Variants in PCDHGA5 observed in about 807,000 individuals in gnomAD.
The protein encoded by PCDHGA5 is protocadherin gamma-A5.
In PCDHGA5, 36 loss-of-function variants were observed where a neutral mutation model predicts 56.7. The observed-to-expected ratio is 0.64, with a 90% CI of 0.49 to 0.84. The LOEUF is 0.84. PCDHGA5 is among the 40% of genes least tolerant of loss of function. The probability of loss-of-function intolerance (pLI) is 0.00; values close to 1 mark genes in which losing one functional copy is unlikely to be tolerated. For synonymous variants in PCDHGA5, 563 were observed against 520.2 expected (o/e 1.08, Z -1.12); for missense variants, 1,305 against 1,201.5 (o/e 1.09, Z -1.27).
At position 141,476,792 on chromosome 5, in the gene PCDHGA5, G is replaced by T. The variant is rs376910320; in HGVS notation, c.2422-18015G>T. ...GGACGGAGGGACCCCAGCTCTCTCC[G>T]CCAGCCTGCCTATTCACATCAAGGT... On this transcript the variant is annotated intron_variant, in intron 1 of 3. Coordinates refer to ENST00000518069, the MANE Select transcript of PCDHGA5 (RefSeq NM_018918.3). The surrounding 1 kb of genome is among the most constrained non-coding windows in gnomAD (Gnocchi z 7.6). 4.3e-6 allele frequency: 7 copies of T among 1,612,720 alleles called. No individual in the cohort carries two copies. Among genetic ancestry groups the T allele is most frequent in the Non-Finnish European group, 5.1e-6 (6 of 1,179,958 alleles).
chr5:141,405,435 T>C, intron 1 of PCDHGA5: 1 of 1,463,324 alleles, frequency 6.8e-7, no homozygotes, highest in Non-Finnish European at 9.3e-7. Context: ...TTGTTTTGTT[T>C]TTGAGACAGA....
chr5:141,385,640 A>C (rs917789862), intron 1 of PCDHGA5: 1 of 803,664 alleles, frequency 1.2e-6, no homozygotes, highest in Admixed American at 4.6e-5. Context: ...CGAGTCTTTC[A>C]TATTGCACAA....
chr5:141,374,656 C>G (rs775346091), intron 1 of PCDHGA5: 1 of 1,612,056 alleles, frequency 6.2e-7, no homozygotes, highest in Non-Finnish European at 8.5e-7. Context: ...GGCCCAAGTA[C>G]CCGGAGCTGG....
intron 1 of PCDHGA5, among the ~76,000 whole-genome samples, chr5:141,433,395 CTATCTA>C (rs1561869588): frequency 2.0e-5 from 3 of 150,654 alleles, no homozygotes; most frequent in African/African-American, 7.3e-5. Flanking sequence ...ATCTATCTAT[CTATCTA>C]TCTATTACTT....
intron 1 of PCDHGA5, chr5:141,428,440 G>A (rs890993546): frequency 1.0e-5 from 4 of 393,892 alleles, no homozygotes; most frequent in African/African-American, 8.2e-5. Flanking sequence ...GACTAGACCA[G>A]GGGTTTTTCC....
chr5:141,367,002 T>A (rs1764897484), intron 1 of PCDHGA5: 3 of 451,252 alleles, frequency 6.6e-6, no homozygotes. Context: ...TATAATCATT[T>A]TACCCAAATA....
chr5:141,399,659 T>A (rs1277891886), intron 1 of PCDHGA5: 1 of 1,613,684 alleles, frequency 6.2e-7, no homozygotes, highest in African/African-American at 1.3e-5. Flanking sequence ...GGGGTGGTGT[T>A]CGCGCAGCGC....
At chr5:141,453,240 A>G (rs1470706774) in intron 1 of PCDHGA5, among the ~76,000 whole-genome samples, 1 of 152,020 alleles carries the variant, frequency 6.6e-6, no homozygotes, top group African/African-American at 2.4e-5. Context: ...CAGCCTCCCA[A>G]ATAGCTGGGG....
At position 141,432,730 on chromosome 5, in the gene PCDHGA5, T is replaced by A; in HGVS notation, c.2422-62077T>A. 6.2e-7 allele frequency: 1 copy of A among 1,614,052 alleles called. No homozygotes were observed. Among genetic ancestry groups the A allele is most frequent in the Non-Finnish European group, 8.5e-7 (1 of 1,179,976 alleles). Reference sequence around the variant, plus strand: ...ACGGCCAGCCCCCTCTCTCCGCCACTGTCACGCTCACCGTGGCCGTGGCCG... The same window carrying A: ...ACGGCCAGCCCCCTCTCTCCGCCACAGTCACGCTCACCGTGGCCGTGGCCG... On this transcript the variant is annotated intron_variant, in intron 1 of 3. Transcript: ENST00000518069. The surrounding 1 kb of genome is among the most constrained non-coding windows in gnomAD (Gnocchi z 6.0).
Position 141,489,560 on chromosome 5 carries a change from A to G in PCDHGA5, c.2422-5247A>G. On this transcript the variant is annotated intron_variant, in intron 1 of 3. Coordinates refer to ENST00000518069, the MANE Select transcript of PCDHGA5 (RefSeq NM_018918.3). The surrounding 1 kb of genome is among the most constrained non-coding windows in gnomAD (Gnocchi z 4.5). Reference sequence around the variant, plus strand: ...AGCACCAGCTGCCTGCTGCCAGTGCAGGTGGTGACTGAACACCCCCTGGAG... The same window carrying G: ...AGCACCAGCTGCCTGCTGCCAGTGCGGGTGGTGACTGAACACCCCCTGGAG... 1.2e-6 allele frequency: 2 copies of G among 1,614,142 alleles called. No homozygotes were observed. The highest frequency in any genetic ancestry group is 1.7e-6 in the Non-Finnish European group (2 of 1,180,030).
intron 1 of PCDHGA5, among the ~76,000 whole-genome samples, chr5:141,457,912 C>T (rs991917175): frequency 1.3e-5 from 2 of 152,120 alleles, no homozygotes; most frequent in African/African-American, 4.8e-5. Context: ...GGTGTGAGGC[C>T]AGTTCTCCCC....
In PCDHGA5 at chr5:141,389,782, G is replaced by C. The variant is rs768524617; in HGVS notation, c.2421+23031G>C. 4 of 1,613,192 alleles carry C rather than the reference G, an allele frequency of 2.5e-6. No individual in the cohort carries two copies. In the African/African-American group the frequency reaches 5.3e-5, roughly 22 times the overall value. On this transcript the variant is annotated intron_variant, in intron 1 of 3. Transcript: ENST00000518069. ...CGCACAGCGCGTGCCTTAGGCGACAGGGACGCCGTCCGCCAGCGCCTTCTG... is the reference window on the plus strand; with the variant it reads ...CGCACAGCGCGTGCCTTAGGCGACACGGACGCCGTCCGCCAGCGCCTTCTG...
At position 141,490,376 on chromosome 5, in the gene PCDHGA5, CA is replaced by C; in HGVS notation, c.2422-4430del. 1 of 1,614,184 alleles carries C rather than the reference CA, an allele frequency of 6.2e-7. No individual in the cohort carries two copies. Among genetic ancestry groups the C allele is most frequent in the African/African-American group, 1.3e-5 (1 of 75,030 alleles). On this transcript the variant is annotated intron_variant, in intron 1 of 3. Coordinates refer to ENST00000518069, the MANE Select transcript of PCDHGA5 (RefSeq NM_018918.3). This position sits in a 1 kb window ranked among gnomAD's most constrained non-coding sequence, Gnocchi z 5.4. ...TTGTTTAATGTGCGAGACCGGGACTCAGGTAGAAATGGTGAAGTGAGCCTTG... is the reference window on the plus strand; with the variant it reads ...TTGTTTAATGTGCGAGACCGGGACTCGGTAGAAATGGTGAAGTGAGCCTTG...
chr5:141,407,938 GC>G, intron 1 of PCDHGA5: 1 of 510,154 alleles, frequency 2.0e-6, no homozygotes, highest in Non-Finnish European at 3.3e-6. Context: ...GCCTCTGGGC[GC>G]CGCTGTCGGC....
rs1342481070 is a variant in PCDHGA5 at position 141,485,056 on chromosome 5, C to T, written c.2422-9751C>T. 8 of 840,338 alleles carry T rather than the reference C, an allele frequency of 9.5e-6. No homozygotes were observed. The Admixed American group carries it at 1.9e-4, about 20-fold the overall frequency. 52.1% of individuals were successfully genotyped at this position (840,338 alleles called of 1,614,324 possible). A position where few individuals can be genotyped will look rare whatever the true frequency, so the allele number is the denominator to read the frequency against. The stretch of plus-strand genomic sequence containing the variant: ...CGTAACCCTTGCGGCGCCGGCCGAA[C>T]CGCGCCAGAGCTGGCGCGGGGAAAG... On this transcript the variant is annotated intron_variant, in intron 1 of 3. Transcript: ENST00000518069. The surrounding 1 kb of genome is among the most constrained non-coding windows in gnomAD (Gnocchi z 5.7).
At chr5:141,508,806 C>T (rs1243735850) in intron 3 of PCDHGA5, among the ~76,000 whole-genome samples, 1 of 152,066 alleles carries the variant, frequency 6.6e-6, no homozygotes, top group African/African-American at 2.4e-5. Flanking sequence ...AATCCTGGCT[C>T]TTTGAAGCCA....
intron 1 of PCDHGA5, among the ~76,000 whole-genome samples, chr5:141,450,696 A>G (rs943551061): frequency 1.3e-5 from 2 of 152,164 alleles, no homozygotes; most frequent in East Asian, 3.9e-4. Flanking sequence ...CATGTTGCCC[A>G]GGATGGTCTC....
chr5:141,413,230 C>T (rs2095618383), intron 1 of PCDHGA5: 4 of 1,613,826 alleles, frequency 2.5e-6, no homozygotes, highest in Non-Finnish European at 3.4e-6. Flanking sequence ...CGGGCTGGTC[C>T]TGCTCTGCCT....
chr5:141,387,024 G>T (rs888266912), intron 1 of PCDHGA5, among the ~76,000 whole-genome samples: 2 of 152,172 alleles, frequency 1.3e-5, no homozygotes, highest in Non-Finnish European at 2.9e-5. Context: ...GATGAATGTT[G>T]TATTTCATAA....
Sources: allele counts gnomAD v4.1 joint callset (sites outside exome capture counted in the v4.1 genomes callset), GRCh38; gene constraint gnomAD v4.1.1; non-coding constraint Gnocchi (gnomAD v3.1); transcripts MANE v1.5; gene names NCBI Gene and HGNC (gene_info 2026-07-23, HGNC 2026-07-21).